The following SULT4A1 variants were observed in gnomAD, a reference collection of about 807,000 sequenced individuals.
SULT4A1 encodes sulfotransferase 4A1.
A neutral mutation model predicts 35.2 loss-of-function variants in SULT4A1; 11 were observed. The ratio of observed to expected loss-of-function variants is 0.31; its 90% CI spans 0.20 to 0.52. The LOEUF (loss-of-function observed/expected upper bound fraction) is 0.52. Ranked by LOEUF, SULT4A1 falls within the 20% of genes least tolerant of loss-of-function variation. The probability of loss-of-function intolerance (pLI) is 0.97; values close to 1 mark genes in which losing one functional copy is unlikely to be tolerated. For synonymous variants in SULT4A1, 152 were observed against 151.8 expected, an observed-to-expected ratio of 1.00 and a Z score of -0.01; for missense variants, 271 against 383.7, an observed-to-expected ratio of 0.71 and a Z score of 2.45.
intron 1 of SULT4A1, among the ~76,000 whole-genome samples, chr22:43,848,869 G>C (rs1051233913): frequency 6.6e-6 from 1 of 152,242 alleles, no homozygotes; most frequent in Non-Finnish European, 1.5e-5. Context: ...ACAGAAACCA[G>C]GGGAGCCAAC....
chr22:43,826,142 G>A, intron 6 of SULT4A1, 29 bp from the exon 7 acceptor site: 2 of 1,611,860 alleles, frequency 1.2e-6, no homozygotes, highest in Non-Finnish European at 1.7e-6. Context: ...AACTGCTGGG[G>A]CCACTTGCTG....
In SULT4A1 at chr22:43,836,349, A is replaced by T. The variant is rs528977758; in HGVS notation, c.508+2518T>A. On this transcript the variant is annotated intron_variant, in intron 4 of 6. Transcript: ENST00000330884. The stretch of plus-strand genomic sequence containing the variant: ...TGCAGGTGCCACAGGGACCCTGTCT[A>T]CACAGCGTCCTCCAACTGCAGGTGC... Among the ~76,000 whole-genome samples the T allele has an allele frequency of 7.6e-3, 1,073 of 140,306 alleles. 6 individuals are homozygous for T. The highest frequency in any genetic ancestry group is 0.016 in the Middle Eastern group (4 of 254). 92.0% of individuals were successfully genotyped at this position (140,306 alleles called of 152,430 possible).
intron 5 of SULT4A1, 131 bp downstream of exon 5, chr22:43,833,509 C>T (rs1376693721): frequency 1.1e-5 from 7 of 652,264 alleles, no homozygotes; most frequent in African/African-American, 3.6e-5. Context: ...CAGACTGTCC[C>T]GCCCCCTCCT....
chr22:43,827,142 G>A, intron 6 of SULT4A1: 1 of 985,430 alleles, frequency 1.0e-6, no homozygotes. Context: ...CCCGAGTACT[G>A]CCTCCCTGCT....
chr22:43,827,533 CAA>C (rs2063296109), intron 6 of SULT4A1: 13 of 1,357,768 alleles, frequency 9.6e-6, no homozygotes, highest in Non-Finnish European at 1.3e-5. Flanking sequence ...GATTTGGAAT[CAA>C]GACAATTTAT....
rs181222426 is a variant in SULT4A1, at chr22:43,831,708, C to G, written c.603+1932G>C. Among the ~76,000 whole-genome samples the G allele has an allele frequency of 2.6e-4, 39 of 152,374 alleles. No homozygotes were observed. The East Asian group carries it at 7.3e-3, about 29-fold the overall frequency. ...CAGAAGCCAGACAGCAAAACCCATG[C>G]GAGTTCCACACCTGACAGGTTCCAA... On this transcript the variant is annotated intron_variant, in intron 5 of 6. Transcript: ENST00000330884.
intron 1 of SULT4A1, among the ~76,000 whole-genome samples, chr22:43,861,176 A>G (rs8138048): frequency 0.098 from 14,863 of 152,146 alleles, 790 homozygotes; most frequent in Admixed American, 0.12. Context: ...CCCTACTCCA[A>G]TCTTCCTCAG....
chr22:43,827,550 T>TCTTGATCAA (rs767948330), intron 6 of SULT4A1: 1 of 1,363,996 alleles, frequency 7.3e-7, no homozygotes, highest in Non-Finnish European at 9.8e-7. Flanking sequence ...ATTTATGCTG[T>TCTTGATCAA]GACATGAATC....
At chr22:43,835,502 C>T (rs1053648229) in intron 4 of SULT4A1, among the ~76,000 whole-genome samples, 5 of 152,214 alleles carry the variant, frequency 3.3e-5, no homozygotes, top group African/African-American at 1.2e-4. Context: ...GCTGCACCCA[C>T]ATCCCACCAA....
rs2269604 is a variant in SULT4A1 at position 43,858,804 on chromosome 22, G to A, written c.169+3410C>T. 1.3e-3 allele frequency among the ~76,000 whole-genome samples: 204 copies of A among 152,132 alleles called. 6 individuals are homozygous for A. In the East Asian group the frequency reaches 0.024, roughly 18 times the overall value. ...CTACCCCAGCCCTTTGTCCTCCCTA[G>A]GCCCTCATTTTCACATCTATAAAAA... is the stretch of plus-strand genomic sequence containing the variant. On this transcript the variant is annotated intron_variant, in intron 1 of 6. Coordinates refer to ENST00000330884, the MANE Select transcript of SULT4A1 (RefSeq NM_014351.4).
chr22:43,830,364 G>T (rs2063316597), intron 5 of SULT4A1, among the ~76,000 whole-genome samples: 1 of 152,220 alleles, frequency 6.6e-6, no homozygotes, highest in South Asian at 2.1e-4. Context: ...GAATCCTCGT[G>T]GGGCAGCTCA....
intron 1 of SULT4A1, among the ~76,000 whole-genome samples, chr22:43,847,348 C>T (rs1375817533): frequency 6.6e-6 from 1 of 152,270 alleles, no homozygotes; most frequent in East Asian, 1.9e-4. Flanking sequence ...CTTCTAAGCA[C>T]TTGGAACCAA....
In SULT4A1 at chr22:43,862,338, G is replaced by T. The variant is rs1183877631; in HGVS notation, c.45C>A (p.Phe15Leu). Residue 15 changes from phenylalanine to leucine, a missense_variant, in exon 1 of 7, where the codon TTC (phenylalanine) becomes TTA (leucine). Physicochemically the swap from Phe to Leu is conservative, Grantham distance 22. Coordinates refer to ENST00000330884, the MANE Select transcript of SULT4A1 (RefSeq NM_014351.4). ...EAETPSTPGE[F>L]ESKYFEFHGV... ...CATGGAACTCGAAGTACTTGCTCTC[G>T]AACTCCCCCGGGGTGCTGGGGGTCT... 3 of 1,547,584 alleles carry T rather than the reference G, an allele frequency of 1.9e-6. No individual in the cohort carries two copies. The highest frequency in any genetic ancestry group is 1.7e-6 in the Non-Finnish European group (2 of 1,144,972).
At chr22:43,842,975 A>ATC (rs695712) in intron 1 of SULT4A1, among the ~76,000 whole-genome samples, 33,213 of 144,338 alleles carry the variant, frequency 0.23, 3,573 homozygotes, top group East Asian at 0.27. Context: ...AGTAAACAGC[A>ATC]TCTCTCTCTC....
intron 4 of SULT4A1, among the ~76,000 whole-genome samples, chr22:43,833,960 A>G (rs1410830786): frequency 1.3e-5 from 2 of 152,204 alleles, no homozygotes; most frequent in African/African-American, 4.8e-5. Flanking sequence ...TGGGGGTGAC[A>G]GCCTCTGAGA....
intron 6 of SULT4A1, chr22:43,826,960 G>A (rs138061): frequency 0.21 from 209,730 of 985,254 alleles, 22,796 homozygotes; most frequent in African/African-American, 0.32. Flanking sequence ...GCTGGTTTAT[G>A]AAGGCTTTGG....
Position 43,825,986 on chromosome 22 carries a change from T to C in SULT4A1, c.*15A>G, listed in dbSNP as rs1250310680. The C allele has an allele frequency of 1.2e-6, 2 of 1,611,422 alleles. No homozygotes were observed. Among genetic ancestry groups the C allele is most frequent in the African/African-American group, 1.3e-5 (1 of 74,850 alleles). ...TGTCTGGGTATTGTGAGCATGCAGG[T>C]TGTTGTTTCTGTTATTATAAATAAA... On this transcript the variant is annotated 3_prime_UTR_variant, in exon 7 of 7. Transcript: ENST00000330884.
At chr22:43,836,404 A>C (rs865852248) in intron 4 of SULT4A1, among the ~76,000 whole-genome samples, 2,518 of 81,852 alleles carry the variant, frequency 0.031, 11 homozygotes, top group African/African-American at 0.057. Flanking sequence ...CAGCGTCCTC[A>C]CACTGCAGGT....
At position 43,833,049 on chromosome 22, in the gene SULT4A1, C is replaced by G. The variant is rs949108297; in HGVS notation, c.603+591G>C. ...ACAGGAGCAACCTCACAGTCCACAT[C>G]TGCACCCCATCGTCTCTCCTCTTTC... is the stretch of plus-strand genomic sequence containing the variant. On this transcript the variant is annotated intron_variant, in intron 5 of 6. Transcript: ENST00000330884. Among the ~76,000 whole-genome samples, 10 of 152,126 alleles carry G rather than the reference C, an allele frequency of 6.6e-5. 1 individual carries two copies. The highest frequency in any genetic ancestry group is 2.4e-4 in the African/African-American group (10 of 41,398).
Sources: allele counts gnomAD v4.1 joint callset (sites outside exome capture counted in the v4.1 genomes callset), GRCh38; gene constraint gnomAD v4.1.1; transcripts MANE v1.5; gene names NCBI Gene and HGNC (gene_info 2026-07-23, HGNC 2026-07-21).